DRICH1: variants seen among roughly 807,000 people sequenced by gnomAD.
DRICH1 encodes aspartate-rich protein 1.
Under a neutral mutation model 39.5 loss-of-function variants are expected in DRICH1, and 38 were observed. That is an observed-to-expected ratio of 0.96 (90% CI 0.74 to 1.26). The LOEUF is 1.26. DRICH1 is among the 50% of genes most tolerant of loss of function. The pLI, the probability that DRICH1 is intolerant of heterozygous loss-of-function variation, is 0.00. For missense variants in DRICH1, 279 were observed against 270.4 expected (o/e 1.03, Z -0.22); for synonymous variants, 84 against 99.5 (o/e 0.84, Z 0.93).
the DRICH1 span, among the ~76,000 whole-genome samples, chr22:23,601,922 C>T: frequency 1.3e-5 from 2 of 152,204 alleles, no homozygotes; most frequent in East Asian, 1.9e-4. Context: ...AACGTAAGGG[C>T]TGAGAGCAGG....
At chr22:23,621,035 T>C (rs1927695280) in intron 4 of DRICH1, among the ~76,000 whole-genome samples, 1 of 152,194 alleles carries the variant, frequency 6.6e-6, no homozygotes, top group Non-Finnish European at 1.5e-5. Flanking sequence ...ATAATGCGCC[T>C]TGTCATATTT....
chr22:23,599,256 C>T, the DRICH1 span, among the ~76,000 whole-genome samples: 4 of 152,214 alleles, frequency 2.6e-5, no homozygotes, highest in Non-Finnish European at 5.9e-5. Flanking sequence ...GCTTAGGACA[C>T]GTCAGCCTGC....
the DRICH1 span, among the ~76,000 whole-genome samples, chr22:23,595,226 G>A: frequency 2.7e-5 from 4 of 146,090 alleles, no homozygotes; most frequent in Non-Finnish European, 4.5e-5. Flanking sequence ...CTTCCCTAGA[G>A]GCCGGAATCA....
the DRICH1 span, among the ~76,000 whole-genome samples, chr22:23,601,649 A>G: frequency 0.012 from 1,805 of 150,762 alleles, 10 homozygotes; most frequent in African/African-American, 0.029. Flanking sequence ...ATCAATGTCA[A>G]TCTCCTGGCT....
chr22:23,598,592 G>A, the DRICH1 span, among the ~76,000 whole-genome samples: 5 of 152,258 alleles, frequency 3.3e-5, no homozygotes, highest in East Asian at 7.7e-4. Context: ...CACGCTCTGG[G>A]CTCCTGCAGG....
chr22:23,600,741 C>T, the DRICH1 span, among the ~76,000 whole-genome samples: 2 of 150,456 alleles, frequency 1.3e-5, no homozygotes, highest in East Asian at 3.9e-4. Flanking sequence ...GGTGCGATCT[C>T]GGCCCACTGC....
downstream of DRICH1, among the ~76,000 whole-genome samples, chr22:23,603,478 C>T (rs1237843421): frequency 6.6e-6 from 1 of 152,134 alleles, no homozygotes; most frequent in African/African-American, 2.4e-5. Flanking sequence ...GCACACAAAT[C>T]TGATGATCAG....
chr22:23,582,163 G>A, the DRICH1 span, among the ~76,000 whole-genome samples: 1 of 149,996 alleles, frequency 6.7e-6, no homozygotes, highest in Non-Finnish European at 1.5e-5. Flanking sequence ...ATTATTAGTA[G>A]AGATGGGGTT....
At position 23,614,645 on chromosome 22, in the gene DRICH1, A is replaced by G. The variant is rs531253192; in HGVS notation, c.542-431T>C. Among the ~76,000 whole-genome samples the G allele has an allele frequency of 3.2e-4, 48 of 152,326 alleles. 1 individual carries two copies. In the South Asian group the frequency reaches 9.3e-3, roughly 30 times the overall value. On this transcript the variant is annotated intron_variant, in intron 8 of 11. Transcript: ENST00000317749. Reference sequence around the variant, plus strand: ...GGATTTATTACTTATTTAAAATCATATTTTATTTTGAAATGGACTCAATTT... The same window carrying G: ...GGATTTATTACTTATTTAAAATCATGTTTTATTTTGAAATGGACTCAATTT...
At chr22:23,610,124 G>C (rs561496366) in intron 11 of DRICH1, among the ~76,000 whole-genome samples, 1 of 152,080 alleles carries the variant, frequency 6.6e-6, no homozygotes, top group Admixed American at 6.5e-5. Flanking sequence ...TGCTCTTGTA[G>C]GGCACGACGT....
chr22:23,623,652 C>T (rs1409557619), intron 3 of DRICH1, among the ~76,000 whole-genome samples: 1 of 151,010 alleles, frequency 6.6e-6, no homozygotes, highest in African/African-American at 2.4e-5. Context: ...AAAAGATAAT[C>T]CTCAGACTTT....
intron 8 of DRICH1, among the ~76,000 whole-genome samples, chr22:23,614,865 C>T (rs1238940684): frequency 2.0e-5 from 3 of 152,204 alleles, no homozygotes; most frequent in East Asian, 3.8e-4. Context: ...AATCAGGCTT[C>T]ATTCAAACAG....
chr22:23,604,651 G>A (rs999174635), downstream of DRICH1, among the ~76,000 whole-genome samples: 1 of 152,152 alleles, frequency 6.6e-6, no homozygotes, highest in African/African-American at 2.4e-5. Context: ...CTTTCCTCGT[G>A]GAAGCCCTCA....
chr22:23,623,457 G>A (rs1927888931), intron 3 of DRICH1, among the ~76,000 whole-genome samples: 1 of 152,106 alleles, frequency 6.6e-6, no homozygotes, highest in Admixed American at 6.6e-5. Context: ...TATCAGTCTT[G>A]TTAAATCTAA....
At chr22:23,589,903 G>A in the DRICH1 span, among the ~76,000 whole-genome samples, 4 of 152,138 alleles carry the variant, frequency 2.6e-5, no homozygotes, top group African/African-American at 9.7e-5. Flanking sequence ...GACATGAAGG[G>A]ACCCCGAGGC....
the DRICH1 span, among the ~76,000 whole-genome samples, chr22:23,600,973 G>T: frequency 1.4e-4 from 22 of 152,006 alleles, no homozygotes; most frequent in Admixed American, 1.4e-3. Context: ...CACCTGGCCG[G>T]CAATTTCTAA....
intron 4 of DRICH1, 137 bp downstream of exon 4, chr22:23,621,954 A>C: frequency 1.2e-6 from 1 of 822,094 alleles, no homozygotes; most frequent in South Asian, 1.7e-5. Flanking sequence ...AAGAAAAAAG[A>C]AACAAAGAAA....
At chr22:23,617,849 C>T (rs975957232) in intron 6 of DRICH1, among the ~76,000 whole-genome samples, 192 bp from the exon 7 acceptor site, 1 of 152,142 alleles carries the variant, frequency 6.6e-6, no homozygotes, top group Non-Finnish European at 1.5e-5. Context: ...AGAGGCATCA[C>T]GCAGCAACAC....
chr22:23,631,861 C>T lies in DRICH1; in HGVS notation c.163G>A (p.Glu55Lys), dbSNP rs1176314800. The change falls in exon 1 of 12, where the codon GAG (glutamate) becomes AAG (lysine). Residue 55 changes from glutamate to lysine, a missense_variant. By Grantham distance (56) the Glu-to-Lys change is moderately conservative. Coordinates refer to ENST00000317749, the MANE Select transcript of DRICH1 (RefSeq NM_016449.4). ...CTGATGTGCTGCAGGTCTTGGCCCT[C>T]CGTGGCTCCCACATCCAGCTTGCCA... is the stretch of plus-strand genomic sequence containing the variant. ...EPGKLDVGAT[E>K]GQDLQHISNQ... is the part of the protein sequence containing the mutation. The T allele has an allele frequency of 1.2e-6, 2 of 1,612,558 alleles. No homozygotes were observed. Among genetic ancestry groups the T allele is most frequent in the African/African-American group, 2.7e-5 (2 of 74,884 alleles).
Sources: allele counts gnomAD v4.1 joint callset (sites outside exome capture counted in the v4.1 genomes callset), GRCh38; gene constraint gnomAD v4.1.1; transcripts MANE v1.5; gene names NCBI Gene and HGNC (gene_info 2026-07-23, HGNC 2026-07-21).